The following TAFA1 variants were observed in gnomAD, a reference collection of about 807,000 sequenced individuals.
TAFA1 encodes the protein TAFA chemokine like family member 1.
In TAFA1, 4 loss-of-function variants were observed where a neutral mutation model predicts 18.5. The ratio of observed to expected loss-of-function variants is 0.22; its 90% CI spans 0.11 to 0.49. The LOEUF (loss-of-function observed/expected upper bound fraction) is 0.49. Ranked by LOEUF, TAFA1 falls within the 20% of genes least tolerant of loss-of-function variation. TAFA1 has a pLI of 0.98. For missense variants in TAFA1, 147 were observed against 169.0 expected (o/e 0.87, Z 0.72); for synonymous variants, 56 against 55.2 (o/e 1.01, Z -0.06).
At chr3:68,051,805 C>T (rs917749754) in intron 2 of TAFA1, among the ~76,000 whole-genome samples, 1 of 151,732 alleles carries the variant, frequency 6.6e-6, no homozygotes, top group African/African-American at 2.4e-5. Context: ...TTTTTTTTAA[C>T]AACACTATCG....
chr3:68,271,685 C>A (rs1057390399), intron 2 of TAFA1, among the ~76,000 whole-genome samples: 2 of 152,086 alleles, frequency 1.3e-5, no homozygotes, highest in African/African-American at 4.8e-5. Context: ...TCGAATACCC[C>A]ACAGTGTCCA....
intron 2 of TAFA1, among the ~76,000 whole-genome samples, chr3:68,091,776 A>G (rs777723526): frequency 2.6e-5 from 4 of 152,166 alleles, no homozygotes; most frequent in South Asian, 2.1e-4. Context: ...CAGAACATCA[A>G]TATCACACAA....
At chr3:68,451,701 A>C (rs2071568518) in intron 3 of TAFA1, among the ~76,000 whole-genome samples, 1 of 152,216 alleles carries the variant, frequency 6.6e-6, no homozygotes, top group Non-Finnish European at 1.5e-5. Context: ...ACTGGACAGA[A>C]AGACAACAAG....
At chr3:68,443,478 A>G (rs2071422804) in intron 3 of TAFA1, among the ~76,000 whole-genome samples, 1 of 149,430 alleles carries the variant, frequency 6.7e-6, no homozygotes, top group African/African-American at 2.5e-5. Flanking sequence ...ATTTACAAAA[A>G]AAAAAAAAAA....
chr3:68,444,362 A>T (rs1039371102), intron 3 of TAFA1, among the ~76,000 whole-genome samples: 1 of 152,140 alleles, frequency 6.6e-6, no homozygotes, highest in Non-Finnish European at 1.5e-5. Flanking sequence ...TAGAGTCCTC[A>T]AGTCTTCTTC....
chr3:68,408,732 G>A (rs1406280901), intron 2 of TAFA1, among the ~76,000 whole-genome samples: 2 of 152,012 alleles, frequency 1.3e-5, no homozygotes, highest in Admixed American at 6.6e-5. Context: ...AACAAGATGT[G>A]GTCCCCCTGC....
chr3:68,476,236 T>C (rs113242863), intron 3 of TAFA1, among the ~76,000 whole-genome samples: 1,928 of 152,296 alleles, frequency 0.013, 35 homozygotes, highest in African/African-American at 0.044. Flanking sequence ...ACAGGCAACC[T>C]ACAGAATGGG....
At chr3:67,992,771 C>T in the TAFA1 span, among the ~76,000 whole-genome samples, 1 of 152,190 alleles carries the variant, frequency 6.6e-6, no homozygotes, top group African/African-American at 2.4e-5. Context: ...CCATCTTCAA[C>T]CCTAGTTTTC....
chr3:68,169,493 G>A (rs1219987689), intron 2 of TAFA1, among the ~76,000 whole-genome samples: 1 of 152,226 alleles, frequency 6.6e-6, no homozygotes, highest in Non-Finnish European at 1.5e-5. Flanking sequence ...ATAGCTGCTT[G>A]ATCACATATC....
chr3:68,437,273 T>C (rs1296535532), intron 3 of TAFA1, among the ~76,000 whole-genome samples: 1 of 134,014 alleles, frequency 7.5e-6, no homozygotes, highest in African/African-American at 3.6e-5. Context: ...AATAACATTG[T>C]GCTATTCTTG....
At chr3:68,170,429 T>C (rs2066038310) in intron 2 of TAFA1, among the ~76,000 whole-genome samples, 1 of 152,214 alleles carries the variant, frequency 6.6e-6, no homozygotes, top group Non-Finnish European at 1.5e-5. Flanking sequence ...TTGCAGTTGT[T>C]TAATGTTGCA....
chr3:68,246,589 C>CAAAAAAAAAAAAAA lies in TAFA1; in HGVS notation c.119-170668_119-170655dup, dbSNP rs63748968. 3.5e-3 allele frequency among the ~76,000 whole-genome samples: 192 copies of CAAAAAAAAAAAAAA among 55,342 alleles called. 26 individuals carry two copies. Among genetic ancestry groups the CAAAAAAAAAAAAAA allele is most frequent in the African/African-American group, 7.8e-3 (107 of 13,768 alleles). 36.3% of individuals were successfully genotyped at this position (55,342 alleles called of 152,430 possible). A position where few individuals can be genotyped will look rare whatever the true frequency, so the allele number is the denominator to read the frequency against. ...TGGGCGACAGAGCGGGACTCCGTCTCAAAAAAAAAAAAAAAAAAAAAAAAA... is the reference window on the plus strand; with the variant it reads ...TGGGCGACAGAGCGGGACTCCGTCTCAAAAAAAAAAAAAAAAAAAAAAAAAAAAAAAAAAAAAAA... On this transcript the variant is annotated intron_variant, in intron 2 of 4. Coordinates refer to ENST00000478136, the MANE Select transcript of TAFA1 (RefSeq NM_213609.4).
chr3:68,021,666 G>T (rs1360717775), intron 2 of TAFA1, among the ~76,000 whole-genome samples: 1 of 152,084 alleles, frequency 6.6e-6, no homozygotes, highest in Non-Finnish European at 1.5e-5. Context: ...AACTAACAAG[G>T]TGTGTACTAT....
intron 2 of TAFA1, among the ~76,000 whole-genome samples, chr3:68,269,965 C>T (rs1434491881): frequency 6.6e-6 from 1 of 152,052 alleles, no homozygotes; most frequent in Non-Finnish European, 1.5e-5. Flanking sequence ...GAACCTGTTA[C>T]TCAGATGTGC....
intron 2 of TAFA1, among the ~76,000 whole-genome samples, chr3:68,375,455 C>CA (rs1029891913): frequency 6.6e-6 from 1 of 151,972 alleles, no homozygotes; most frequent in African/African-American, 2.4e-5. Context: ...AGTCAGTGGG[C>CA]AAAAAAGAAT....
At chr3:68,527,795 C>T (rs1215385788) in intron 3 of TAFA1, among the ~76,000 whole-genome samples, 1 of 152,026 alleles carries the variant, frequency 6.6e-6, no homozygotes, top group East Asian at 1.9e-4. Flanking sequence ...TAACTTTTGT[C>T]TCAAATACCT....
rs543582516 is a variant in TAFA1, at chr3:68,416,510, A to G, written c.119-770A>G. On this transcript the variant is annotated intron_variant, in intron 2 of 4. Coordinates refer to ENST00000478136, the MANE Select transcript of TAFA1 (RefSeq NM_213609.4). ...ATGTATCTTTTGCGTGTCTCTAGAG[A>G]TCTGACTTAGCTGATTTAGCTGATT... Among the ~76,000 whole-genome samples, 3 of 152,172 alleles carry G rather than the reference A, an allele frequency of 2.0e-5. No individual in the cohort carries two copies. The South Asian group carries it at 6.2e-4, about 32-fold the overall frequency.
intron 2 of TAFA1, among the ~76,000 whole-genome samples, chr3:68,199,467 C>A (rs751620544): frequency 2.6e-5 from 4 of 151,486 alleles, no homozygotes; most frequent in African/African-American, 7.3e-5. Flanking sequence ...GACATCTTGA[C>A]AATATTAAGT....
intron 2 of TAFA1, among the ~76,000 whole-genome samples, chr3:68,327,941 G>A (rs1239852937): frequency 1.3e-5 from 2 of 152,150 alleles, no homozygotes; most frequent in Non-Finnish European, 2.9e-5. Context: ...AGCATTTTAT[G>A]GTATGGAGAA....
Sources: gnomAD v4.1 joint callset for allele counts (sites outside exome capture counted in the v4.1 genomes callset) on GRCh38, gnomAD v4.1.1 for gene constraint, MANE v1.5 for transcripts, NCBI Gene and HGNC (gene_info 2026-07-23, HGNC 2026-07-21) for gene names.